Variants in FBLN1 observed in about 807,000 individuals in gnomAD.
The protein encoded by FBLN1 is fibulin 1, also known as fibulin-1.
In FBLN1, 34 loss-of-function variants were observed where a neutral mutation model predicts 89.7. The observed-to-expected ratio is 0.38, with a 90% CI of 0.29 to 0.50. The LOEUF (loss-of-function observed/expected upper bound fraction) is 0.50, where lower values mean the gene tolerates loss of function less well. FBLN1 is among the 20% of genes least tolerant of loss of function. FBLN1 has a pLI of 0.92. For missense variants in FBLN1, 777 were observed against 988.1 expected, an observed-to-expected ratio of 0.79 and a Z score of 2.86; for synonymous variants, 393 against 391.3, an observed-to-expected ratio of 1.00 and a Z score of -0.05.
chr22:45,572,206 TTCC>T lies in FBLN1; in HGVS notation c.1698-2304_1698-2302del, dbSNP rs2088958253. ...CAAGACTTCTTGGAGAAATGGTTGA[TTCC>T]AGGTCTTGGGCAGTAAAAGTGTAAA... On this transcript the variant is annotated intron_variant, in intron 14 of 16. Coordinates refer to ENST00000327858, the MANE Select transcript of FBLN1 (RefSeq NM_006486.3). The surrounding 1 kb of genome is among the most constrained non-coding windows in gnomAD (Gnocchi z 5.8). 6.6e-6 allele frequency among the ~76,000 whole-genome samples: 1 copy of T among 152,172 alleles called. No individual in the cohort carries two copies. The highest frequency in any genetic ancestry group is 6.5e-5 in the Admixed American group (1 of 15,282).
At position 45,594,517 on chromosome 22, in the gene FBLN1, T is replaced by G. The variant is rs1255798323; in HGVS notation, c.1973-5790T>G. Among the ~76,000 whole-genome samples the G allele has an allele frequency of 2.6e-5, 4 of 151,826 alleles. No individual in the cohort carries two copies. In the East Asian group the frequency reaches 7.7e-4, roughly 29 times the overall value. Reference sequence around the variant, plus strand: ...CAATTTAAAGCTTCCTGTTTAAAGCTCCTCTGTGCAGAGTAGCCTCTAATG... The same window carrying G: ...CAATTTAAAGCTTCCTGTTTAAAGCGCCTCTGTGCAGAGTAGCCTCTAATG... On this transcript the variant is annotated intron_variant, in intron 16 of 16. Transcript: ENST00000327858.
At position 45,561,874 on chromosome 22, in the gene FBLN1, C is replaced by G. The variant is rs1423536965; in HGVS notation, c.1697+11259C>G. ...TCCGATGTTCAAGGGCAGGAAGCAT[C>G]CAGCACAGGAGAAAGATGTAGGCTG... On this transcript the variant is annotated intron_variant, in intron 14 of 16. Coordinates refer to ENST00000327858, the MANE Select transcript of FBLN1 (RefSeq NM_006486.3). The surrounding 1 kb of genome is among the most constrained non-coding windows in gnomAD (Gnocchi z 4.7). 6.6e-6 allele frequency among the ~76,000 whole-genome samples: 1 copy of G among 152,162 alleles called. No individual in the cohort carries two copies. Among genetic ancestry groups the G allele is most frequent in the Admixed American group, 6.5e-5 (1 of 15,276 alleles).
chr22:45,519,578 C>G (rs1009751418), intron 2 of FBLN1, among the ~76,000 whole-genome samples: 1 of 147,744 alleles, frequency 6.8e-6, no homozygotes, highest in South Asian at 2.2e-4. Context: ...GAGCTGAGAT[C>G]GCGCCACTGC....
At chr22:45,525,522 C>T (rs2088314718) in intron 2 of FBLN1, 21 bp from the exon 3 acceptor site, 1 of 1,548,698 alleles carries the variant, frequency 6.5e-7, no homozygotes, top group Non-Finnish European at 8.7e-7. Flanking sequence ...AGCCTTGGCC[C>T]AGCCCACCCC....
At chr22:45,599,418 G>T (rs1225761174) in intron 16 of FBLN1, among the ~76,000 whole-genome samples, 1 of 152,182 alleles carries the variant, frequency 6.6e-6, no homozygotes, top group African/African-American at 2.4e-5. Flanking sequence ...CAAGGGGTCC[G>T]GAGGCATGCC....
chr22:45,507,018 A>T (rs1050334329), intron 1 of FBLN1, among the ~76,000 whole-genome samples: 1 of 152,230 alleles, frequency 6.6e-6, no homozygotes, highest in Non-Finnish European at 1.5e-5. Context: ...ATGATCTCAC[A>T]TGTGGCCCTA....
intron 14 of FBLN1, chr22:45,558,246 C>T (rs892273327): frequency 1.7e-5 from 9 of 539,594 alleles, no homozygotes; most frequent in Non-Finnish European, 6.9e-6. Flanking sequence ...TGATGGAATG[C>T]TGCTGTTCAT....
In FBLN1 at chr22:45,531,016, G is replaced by A. The variant is rs1230168190; in HGVS notation, c.485-249G>A. ...TGACCTCAGGTGATCCGCCTGCCTC[G>A]GCCTCCCAAAGTGCTGGGATTACAG... On this transcript the variant is annotated intron_variant, in intron 4 of 16. Transcript: ENST00000327858. This position sits in a 1 kb window ranked among gnomAD's most constrained non-coding sequence, Gnocchi z 4.9. Among the ~76,000 whole-genome samples the A allele has an allele frequency of 6.6e-6, 1 of 151,930 alleles. No individual in the cohort carries two copies. Among genetic ancestry groups the A allele is most frequent in the Non-Finnish European group, 1.5e-5 (1 of 67,990 alleles).
intron 2 of FBLN1, among the ~76,000 whole-genome samples, chr22:45,522,307 G>T (rs1293836731): frequency 6.6e-6 from 1 of 152,140 alleles, no homozygotes; most frequent in Admixed American, 6.5e-5. Flanking sequence ...TTTTGAAGTG[G>T]CTTTCTGTGA....
At position 45,568,983 on chromosome 22, in the gene FBLN1, C is replaced by T. The variant is rs561114762; in HGVS notation, c.1698-5528C>T. ...ATCACATGATCTTGTGTGTCTTTGT[C>T]GTCACATAGCCCTCTTCTTATAAGG... On this transcript the variant is annotated intron_variant, in intron 14 of 16. Transcript: ENST00000327858. Among the ~76,000 whole-genome samples, 5 of 152,318 alleles carry T rather than the reference C, an allele frequency of 3.3e-5. No individual in the cohort carries two copies. The South Asian group carries it at 6.2e-4, about 19-fold the overall frequency.
At chr22:45,538,174 G>A (rs1336411107) in intron 8 of FBLN1, among the ~76,000 whole-genome samples, 2 of 152,234 alleles carry the variant, frequency 1.3e-5, no homozygotes, top group Non-Finnish European at 2.9e-5. Context: ...CTCAGTGACA[G>A]CATCGAAAGC....
At position 45,600,482 on chromosome 22, in the gene FBLN1, A is replaced by C; in HGVS notation, c.*36A>C. 6.2e-7 allele frequency: 1 copy of C among 1,613,690 alleles called. No homozygotes were observed. Among genetic ancestry groups the C allele is most frequent in the Non-Finnish European group, 8.5e-7 (1 of 1,179,602 alleles). ...GCCGCACAGCCGCAGGTGCACCTCC[A>C]GGCCAAATCATTGCTGCCAGTGACT... On this transcript the variant is annotated 3_prime_UTR_variant, in exon 17 of 17. Coordinates refer to ENST00000327858, the MANE Select transcript of FBLN1 (RefSeq NM_006486.3).
At chr22:45,592,046 GA>G (rs1328126163) in intron 16 of FBLN1, among the ~76,000 whole-genome samples, 1 of 152,238 alleles carries the variant, frequency 6.6e-6, no homozygotes, top group East Asian at 1.9e-4. Flanking sequence ...GATGTAGTGG[GA>G]TGGGAAGATC....
In FBLN1 at chr22:45,562,860, T is replaced by C; in HGVS notation, c.1698-11651T>C. 6.4e-7 allele frequency: 1 copy of C among 1,572,782 alleles called. No homozygotes were observed. Among genetic ancestry groups the C allele is most frequent in the Non-Finnish European group, 8.7e-7 (1 of 1,149,000 alleles). On this transcript the variant is annotated intron_variant, in intron 14 of 16. Coordinates refer to ENST00000327858, the MANE Select transcript of FBLN1 (RefSeq NM_006486.3). The surrounding 1 kb of genome is among the most constrained non-coding windows in gnomAD (Gnocchi z 7.8). ...CCCCGCGCTCTGCCGTTTCTCCGCT[T>C]GCTGGACCGGCCCTAACCCTCTTCT... is the stretch of plus-strand genomic sequence containing the variant.
Position 45,588,319 on chromosome 22 carries a change from C to G in FBLN1, c.1972+11211C>G, listed in dbSNP as rs1041991492. On this transcript the variant is annotated intron_variant, in intron 16 of 16. Coordinates refer to ENST00000327858, the MANE Select transcript of FBLN1 (RefSeq NM_006486.3). The surrounding 1 kb of genome is among the most constrained non-coding windows in gnomAD (Gnocchi z 5.1). ...GGGGAACTCCTTCTGGAAAGTCTGT[C>G]GTGAACCAGAGCAGATAAATGCTTG... 6.6e-6 allele frequency among the ~76,000 whole-genome samples: 1 copy of G among 152,082 alleles called. No homozygotes were observed. The highest frequency in any genetic ancestry group is 1.5e-5 in the Non-Finnish European group (1 of 68,022).
Position 45,557,356 on chromosome 22 carries a change from G to A in FBLN1, c.1697+6741G>A, listed in dbSNP as rs1437888945. On this transcript the variant is annotated intron_variant, in intron 14 of 16. Transcript: ENST00000327858. The surrounding 1 kb of genome is among the most constrained non-coding windows in gnomAD (Gnocchi z 4.9). The stretch of plus-strand genomic sequence containing the variant: ...ACAAACCTCTGCCATTTCCATGATG[G>A]AAGAGGTCCAGTATAATCAACCTGC... Among the ~76,000 whole-genome samples the A allele has an allele frequency of 2.6e-5, 4 of 152,218 alleles. No homozygotes were observed. The highest frequency in any genetic ancestry group is 7.2e-5 in the African/African-American group (3 of 41,454).
intron 10 of FBLN1, among the ~76,000 whole-genome samples, 188 bp downstream of exon 10, chr22:45,542,471 G>A (rs2088570083): frequency 6.6e-6 from 1 of 152,184 alleles, no homozygotes; most frequent in Non-Finnish European, 1.5e-5. Context: ...GCCCAGCCAG[G>A]CGGCCACTGG....
rs185245707 is a variant in FBLN1 at position 45,589,238 on chromosome 22, G to A, written c.1973-11069G>A. On this transcript the variant is annotated intron_variant, in intron 16 of 16. Coordinates refer to ENST00000327858, the MANE Select transcript of FBLN1 (RefSeq NM_006486.3). ...AAACTGAGGCACACAGGAGCTTCCA[G>A]GCTCAGGTGACATGAATTAAGAATG... 5.4e-3 allele frequency among the ~76,000 whole-genome samples: 822 copies of A among 152,114 alleles called. 7 individuals carry two copies. Among genetic ancestry groups the A allele is most frequent in the African/African-American group, 0.019 (781 of 41,478 alleles).
At chr22:45,548,519 G>A (rs943100131) in intron 12 of FBLN1, 94 bp from the exon 13 acceptor site, 31 of 1,556,962 alleles carry the variant, frequency 2.0e-5, no homozygotes, top group African/African-American at 8.1e-5. Context: ...CTGCCCTCCC[G>A]GGCCCCAGTG....
Sources: gnomAD v4.1 joint callset for allele counts (sites outside exome capture counted in the v4.1 genomes callset) on GRCh38, gnomAD v4.1.1 for gene constraint, Gnocchi (gnomAD v3.1) non-coding constraint, MANE v1.5 for transcripts, NCBI Gene and HGNC (gene_info 2026-07-23, HGNC 2026-07-21) for gene names.